The following OPCML variants were observed in gnomAD, a reference collection of about 807,000 sequenced individuals.
OPCML encodes the protein opioid binding protein/cell adhesion molecule like.
In OPCML, 13 loss-of-function variants were observed where a neutral mutation model predicts 37.8. The observed-to-expected ratio is 0.34, with a 90% CI of 0.22 to 0.55. OPCML has a LOEUF of 0.55. Ranked by LOEUF, OPCML falls within the 20% of genes least tolerant of loss-of-function variation. The pLI is 0.91. For missense variants in OPCML, 341 were observed against 435.6 expected, an observed-to-expected ratio of 0.78 and a Z score of 1.93; for synonymous variants, 176 against 168.8, an observed-to-expected ratio of 1.04 and a Z score of -0.33.
intron 1 of OPCML, among the ~76,000 whole-genome samples, chr11:133,060,535 A>T (rs1007126122): frequency 1.1e-4 from 16 of 152,202 alleles, no homozygotes; most frequent in Non-Finnish European, 8.8e-5. Flanking sequence ...CTAAGGTCAG[A>T]GAGAGACAGT....
At chr11:133,322,369 T>C (rs533335069) in intron 1 of OPCML, among the ~76,000 whole-genome samples, 23 of 152,338 alleles carry the variant, frequency 1.5e-4, no homozygotes, top group Non-Finnish European at 2.5e-4. Context: ...AAACACATAA[T>C]ACATATGTTT....
In OPCML at chr11:133,354,130, A is replaced by C. The variant is rs1944206786; in HGVS notation, c.61+178134T>G. Among the ~76,000 whole-genome samples the C allele has an allele frequency of 2.7e-4, 3 of 11,318 alleles. No homozygotes were observed. The South Asian group carries it at 9.0e-3, about 34-fold the overall frequency. The allele number at this position is 11,318 out of a possible 152,430, so 7.4% of individuals were successfully genotyped here. On this transcript the variant is annotated intron_variant, in intron 1 of 7. Coordinates refer to ENST00000524381, the MANE Select transcript of OPCML (RefSeq NM_001012393.5). ...TTCCAGATTTAAGTCTGCAGAATCA[A>C]AGGGCGTTTATAAAAAACCTAAGTA... is the stretch of plus-strand genomic sequence containing the variant.
intron 1 of OPCML, among the ~76,000 whole-genome samples, chr11:133,456,225 ACT>A (rs1206898014): frequency 1.3e-5 from 2 of 152,060 alleles, no homozygotes; most frequent in Non-Finnish European, 2.9e-5. Context: ...CTGGGGTGAG[ACT>A]CTCTGGCAAA....
chr11:132,984,825 T>C (rs894063751), intron 1 of OPCML, among the ~76,000 whole-genome samples: 5 of 152,172 alleles, frequency 3.3e-5, no homozygotes, highest in Non-Finnish European at 7.3e-5. Flanking sequence ...GTCTCGCATT[T>C]TCACCCCAGT....
At chr11:132,710,613 G>A (rs1309416137) in intron 2 of OPCML, among the ~76,000 whole-genome samples, 1 of 152,006 alleles carries the variant, frequency 6.6e-6, no homozygotes, top group East Asian at 1.9e-4. Context: ...AGCACTTTGG[G>A]AGGCCAAGGC....
chr11:132,498,404 T>C (rs998000750), intron 4 of OPCML, among the ~76,000 whole-genome samples: 1 of 152,236 alleles, frequency 6.6e-6, no homozygotes, highest in Admixed American at 6.5e-5. Context: ...ACTCTGACTA[T>C]GCATTCATTA....
At chr11:132,791,097 G>A (rs1165138224) in intron 2 of OPCML, among the ~76,000 whole-genome samples, 1 of 152,168 alleles carries the variant, frequency 6.6e-6, no homozygotes, top group Admixed American at 6.5e-5. Flanking sequence ...TCATCTGTAG[G>A]GAGGACCATG....
intron 7 of OPCML, among the ~76,000 whole-genome samples, chr11:132,423,895 A>C (rs1406666722): frequency 6.6e-6 from 1 of 152,156 alleles, no homozygotes; most frequent in African/African-American, 2.4e-5. Flanking sequence ...CAGTGGTAGC[A>C]CTGAAGCTTG....
rs1313867234 is a variant in OPCML at position 133,075,723 on chromosome 11, C to T, written c.62-132713G>A. Among the ~76,000 whole-genome samples the T allele has an allele frequency of 3.9e-5, 6 of 152,334 alleles. No homozygotes were observed. In the South Asian group the frequency reaches 1.2e-3, roughly 32 times the overall value. Reference sequence around the variant, plus strand: ...CAGCCCAGGACACCTGATTCTCCCACTTCCCCCATCTCTGAGGCACTCTTT... The same window carrying T: ...CAGCCCAGGACACCTGATTCTCCCATTTCCCCCATCTCTGAGGCACTCTTT... On this transcript the variant is annotated intron_variant, in intron 1 of 7. Transcript: ENST00000524381.
intron 1 of OPCML, chr11:133,422,475 T>A: frequency 1.0e-6 from 1 of 982,936 alleles, no homozygotes; most frequent in Non-Finnish European, 1.2e-6. Flanking sequence ...GTCTTACCCA[T>A]GTTAGCTTAG....
At chr11:132,773,882 T>A (rs1425814376) in intron 2 of OPCML, among the ~76,000 whole-genome samples, 1 of 152,182 alleles carries the variant, frequency 6.6e-6, no homozygotes, top group Non-Finnish European at 1.5e-5. Flanking sequence ...GAAACAACTC[T>A]ATCAATCACC....
intron 2 of OPCML, among the ~76,000 whole-genome samples, chr11:132,774,821 G>A (rs1242684048): frequency 6.6e-6 from 1 of 152,154 alleles, no homozygotes; most frequent in Non-Finnish European, 1.5e-5. Context: ...TACAGTAGGT[G>A]ATTAATACAT....
In OPCML at chr11:133,155,040, T is replaced by C. The variant is rs544213346; in HGVS notation, c.62-212030A>G. ...GAGGATTTCCACAGGAGGCACACTC[T>C]GAGTATGTACTTGAGGGGAAATTCA... On this transcript the variant is annotated intron_variant, in intron 1 of 7. Transcript: ENST00000524381. Among the ~76,000 whole-genome samples, 3 of 152,270 alleles carry C rather than the reference T, an allele frequency of 2.0e-5. No homozygotes were observed. The South Asian group carries it at 6.2e-4, about 32-fold the overall frequency.
At chr11:133,480,264 A>G (rs1947345921) in intron 1 of OPCML, among the ~76,000 whole-genome samples, 1 of 152,146 alleles carries the variant, frequency 6.6e-6, no homozygotes, top group South Asian at 2.1e-4. Flanking sequence ...CTCACATCTC[A>G]TGAGGTGCTA....
chr11:133,469,775 AC>A (rs755598650), intron 1 of OPCML, among the ~76,000 whole-genome samples: 9 of 150,436 alleles, frequency 6.0e-5, no homozygotes, highest in Non-Finnish European at 8.9e-5. Flanking sequence ...TTTATGAAAA[AC>A]CCCCAGGTTT....
intron 1 of OPCML, among the ~76,000 whole-genome samples, chr11:133,270,362 A>G (rs1004593108): frequency 2.6e-5 from 4 of 152,138 alleles, no homozygotes; most frequent in South Asian, 4.1e-4. Flanking sequence ...CACAGTTGGG[A>G]CAAAGAAAAA....
chr11:133,413,978 G>A (rs537939884), intron 1 of OPCML, among the ~76,000 whole-genome samples: 1 of 152,282 alleles, frequency 6.6e-6, no homozygotes, highest in South Asian at 2.1e-4. Flanking sequence ...AAGAGGGAAT[G>A]TTCCCTCTCC....
At chr11:133,275,606 T>A (rs762806680) in intron 1 of OPCML, among the ~76,000 whole-genome samples, 1 of 152,182 alleles carries the variant, frequency 6.6e-6, no homozygotes, top group Non-Finnish European at 1.5e-5. Flanking sequence ...AATACAGACA[T>A]GAGCTCTAGC....
intron 1 of OPCML, among the ~76,000 whole-genome samples, chr11:132,971,187 T>C (rs78301847): frequency 0.041 from 6,266 of 152,294 alleles, 191 homozygotes; most frequent in South Asian, 0.12. Flanking sequence ...ACAAGATTGA[T>C]GAAGGCCTTA....
Sources: allele counts gnomAD v4.1 joint callset (sites outside exome capture counted in the v4.1 genomes callset), GRCh38; gene constraint gnomAD v4.1.1; transcripts MANE v1.5; gene names NCBI Gene and HGNC (gene_info 2026-07-23, HGNC 2026-07-21).